TGFBR3: variants seen among roughly 807,000 people sequenced by gnomAD.
TGFBR3 encodes transforming growth factor beta receptor 3.
TGFBR3 carries 46 observed loss-of-function variants against 87.9 expected under a neutral mutation model. The ratio of observed to expected loss-of-function variants is 0.52; its 90% CI spans 0.41 to 0.67. The LOEUF (loss-of-function observed/expected upper bound fraction) is 0.67. Among genes scored for constraint, TGFBR3 ranks in the 30% least tolerant of loss-of-function variants. The pLI, the probability that TGFBR3 is intolerant of heterozygous loss-of-function variation, is 0.00. For synonymous variants in TGFBR3, 381 were observed against 391.6 expected (o/e 0.97, Z 0.32); for missense variants, 866 against 1,041.9 (o/e 0.83, Z 2.32).
Position 91,681,357 on chromosome 1 carries a change from TG to T in TGFBR3, c.*2381del. 2.3e-6 allele frequency: 1 copy of T among 441,506 alleles called. No homozygotes were observed. Among genetic ancestry groups the T allele is most frequent in the Non-Finnish European group, 4.5e-6 (1 of 223,288 alleles). The allele number at this position is 441,506 out of a possible 1,614,324, so 27.3% of individuals were successfully genotyped here. Reference sequence around the variant, plus strand: ...GATTTCTTGATCTGAATAATAATTCTGACAATGAGACCCAAACAAATAAAAG... The same window carrying T: ...GATTTCTTGATCTGAATAATAATTCTACAATGAGACCCAAACAAATAAAAG... On this transcript the variant is annotated 3_prime_UTR_variant, in exon 17 of 17. Coordinates refer to ENST00000212355, the MANE Select transcript of TGFBR3 (RefSeq NM_003243.5).
Position 91,720,169 on chromosome 1 carries a change from G to T in TGFBR3, c.1137C>A (p.Asp379Glu). Residue 379 changes from aspartate to glutamate, a missense_variant, in exon 9 of 17, where the codon GAC becomes GAA. By Grantham distance (45) the Asp-to-Glu change is conservative. Coordinates refer to ENST00000212355, the MANE Select transcript of TGFBR3 (RefSeq NM_003243.5). ...TCTGCAGGGCAGGCAGGGCACCAGG[G>T]TCCAGCAGGATCCGTAGCTCAGGAG... ...TIPPELRILL[D>E]PGALPALQNP... The T allele has an allele frequency of 6.2e-7, 1 of 1,613,468 alleles. No individual in the cohort carries two copies. Among genetic ancestry groups the T allele is most frequent in the Non-Finnish European group, 8.5e-7 (1 of 1,179,780 alleles).
intron 1 of TGFBR3, among the ~76,000 whole-genome samples, chr1:91,877,700 T>G (rs941300814): frequency 6.6e-6 from 1 of 152,218 alleles, no homozygotes; most frequent in African/African-American, 2.4e-5. Flanking sequence ...CCCTAGCTCC[T>G]GTGTCAAAAA....
chr1:91,698,172 C>A (rs1264562439), intron 14 of TGFBR3, 42 bp from the exon 15 acceptor site: 3 of 1,573,054 alleles, frequency 1.9e-6, no homozygotes, highest in East Asian at 4.5e-5. Context: ...TATGGAGAAC[C>A]AAGATTTAAG....
chr1:91,784,200 T>C (rs1163593810), intron 3 of TGFBR3, among the ~76,000 whole-genome samples: 1 of 152,132 alleles, frequency 6.6e-6, no homozygotes, highest in African/African-American at 2.4e-5. Flanking sequence ...ATTAAAAAAG[T>C]AAATCAAAGC....
At chr1:91,756,295 T>C (rs552529139) in intron 4 of TGFBR3, among the ~76,000 whole-genome samples, 386 of 152,328 alleles carry the variant, frequency 2.5e-3, no homozygotes, top group African/African-American at 8.5e-3. Flanking sequence ...TGCATATGAC[T>C]TTATGATCAG....
rs150705722 is a variant in TGFBR3 at position 91,753,657 on chromosome 1, A to C, written c.384+4956T>G. ...AATTACTAATCTACTTTCTGTTTCT[A>C]TAGATTTGCCCATTCTGGACATTTT... On this transcript the variant is annotated intron_variant, in intron 4 of 16. Coordinates refer to ENST00000212355, the MANE Select transcript of TGFBR3 (RefSeq NM_003243.5). 1.3e-4 allele frequency among the ~76,000 whole-genome samples: 20 copies of C among 152,244 alleles called. No homozygotes were observed. In the East Asian group the frequency reaches 3.9e-3, roughly 29 times the overall value.
At chr1:91,712,600 G>T in intron 12 of TGFBR3, 58 bp from the exon 13 acceptor site, 1 of 1,562,352 alleles carries the variant, frequency 6.4e-7, no homozygotes. Flanking sequence ...TTTCACTTTA[G>T]GCACAAGGAC....
intron 2 of TGFBR3, among the ~76,000 whole-genome samples, chr1:91,801,565 G>A (rs1373612956): frequency 6.6e-6 from 1 of 152,118 alleles, no homozygotes; most frequent in Non-Finnish European, 1.5e-5. Context: ...AACTTACTTT[G>A]AAATACCTCC....
chr1:91,729,316 A>T (rs1333066117), intron 6 of TGFBR3, among the ~76,000 whole-genome samples: 1 of 151,644 alleles, frequency 6.6e-6, no homozygotes, highest in Non-Finnish European at 1.5e-5. Context: ...ACACACACAG[A>T]TTTAACGCAA....
intron 4 of TGFBR3, 152 bp downstream of exon 4, chr1:91,758,461 C>G: frequency 1.1e-6 from 1 of 946,928 alleles, no homozygotes; most frequent in East Asian, 2.5e-5. Flanking sequence ...TGTCATCATC[C>G]AAATATCACT....
chr1:91,763,063 ACTAT>A (rs1185664571), intron 3 of TGFBR3, among the ~76,000 whole-genome samples: 6 of 152,200 alleles, frequency 3.9e-5, no homozygotes, highest in African/African-American at 1.4e-4. Context: ...ATAAGCAAAA[ACTAT>A]CTATTGTCTC....
chr1:91,728,491 G>A (rs1046000495), intron 6 of TGFBR3, among the ~76,000 whole-genome samples: 2 of 152,060 alleles, frequency 1.3e-5, no homozygotes, highest in South Asian at 2.1e-4. Context: ...CTAAGAATTC[G>A]TAAAAAAGAG....
chr1:91,785,630 T>C (rs1674928411), intron 3 of TGFBR3, among the ~76,000 whole-genome samples: 1 of 152,212 alleles, frequency 6.6e-6, no homozygotes, highest in African/African-American at 2.4e-5. Flanking sequence ...GCGCCCACTC[T>C]GTGTATATTG....
At chr1:91,689,735 T>C (rs889768570) in intron 16 of TGFBR3, among the ~76,000 whole-genome samples, 3 of 151,852 alleles carry the variant, frequency 2.0e-5, no homozygotes, top group Non-Finnish European at 4.4e-5. Flanking sequence ...CTGGGTAACT[T>C]TGAGCTTGTC....
chr1:91,781,741 G>A (rs1360833884), intron 3 of TGFBR3, among the ~76,000 whole-genome samples: 1 of 151,998 alleles, frequency 6.6e-6, no homozygotes, highest in Non-Finnish European at 1.5e-5. Flanking sequence ...AGCAAGTCAA[G>A]GGCCCATATC....
intron 2 of TGFBR3, among the ~76,000 whole-genome samples, chr1:91,841,508 T>A (rs1289543084): frequency 6.6e-6 from 1 of 151,986 alleles, no homozygotes; most frequent in Non-Finnish European, 1.5e-5. Context: ...ATTATAAAAA[T>A]AGTTGGCCAG....
intron 2 of TGFBR3, among the ~76,000 whole-genome samples, chr1:91,895,610 C>T (rs548214610): frequency 1.9e-3 from 284 of 152,284 alleles, no homozygotes; most frequent in African/African-American, 6.6e-3. Flanking sequence ...TGTGAGCCAC[C>T]ACACACGGCC....
At chr1:91,751,673 G>A (rs1363508439) in intron 4 of TGFBR3, among the ~76,000 whole-genome samples, 1 of 151,754 alleles carries the variant, frequency 6.6e-6, no homozygotes, top group Non-Finnish European at 1.5e-5. Context: ...ACTAGATGTT[G>A]GCAGCTCCAG....
intron 1 of TGFBR3, among the ~76,000 whole-genome samples, chr1:91,875,910 C>CAAA (rs34185299): frequency 1.6e-4 from 10 of 64,108 alleles, no homozygotes; most frequent in African/African-American, 4.6e-4. Context: ...GACTCCGTCT[C>CAAA]AAAAAAAAAA....
Sources: allele counts gnomAD v4.1 joint callset (sites outside exome capture counted in the v4.1 genomes callset), GRCh38; gene constraint gnomAD v4.1.1; transcripts MANE v1.5; gene names NCBI Gene and HGNC (gene_info 2026-07-23, HGNC 2026-07-21).